The following WDFY4 variants were observed in gnomAD, a reference collection of about 807,000 sequenced individuals.
WDFY4 encodes WD repeat- and FYVE domain-containing protein 4.
Under a neutral mutation model 351.9 loss-of-function variants are expected in WDFY4, and 169 were observed. The ratio of observed to expected loss-of-function variants is 0.48; its 90% confidence interval spans 0.42 to 0.55. WDFY4 has a LOEUF of 0.55. WDFY4 is among the 20% of genes least tolerant of loss of function. WDFY4 has a pLI of 0.00. For synonymous variants in WDFY4, 1,622 were observed against 1,574.6 expected (o/e 1.03, Z -0.71); for missense variants, 3,803 against 3,935.6 (o/e 0.97, Z 0.90).
chr10:48,741,124 GA>G (rs78145848), intron 11 of WDFY4, among the ~76,000 whole-genome samples: 12,518 of 152,026 alleles, frequency 0.082, 654 homozygotes, highest in East Asian at 0.24. Context: ...CTTCATCTTT[GA>G]AAGAATCCTC....
Position 48,743,341 on chromosome 10 carries a change from CCTCCAGCGGCTCA to C in WDFY4, c.2257_2269del (p.Ser753HisfsTer28). On this transcript the variant is annotated frameshift_variant, in exon 12 of 62. Coordinates refer to ENST00000325239, the MANE Select transcript of WDFY4 (RefSeq NM_001394531.1). LOFTEE classifies it high-confidence loss of function. ...GCAGATTTGCTGGGCACTGCCTTTT[CCTCCAGCGGCTCA>C]CTCCCACCCCGGATACAGAGCTGCC... The C allele has an allele frequency of 6.4e-7, 1 of 1,551,648 alleles. No homozygotes were observed. The highest frequency in any genetic ancestry group is 8.7e-7 in the Non-Finnish European group (1 of 1,146,962).
At chr10:48,888,636 A>C (rs1245593312) in intron 43 of WDFY4, among the ~76,000 whole-genome samples, 2 of 152,054 alleles carry the variant, frequency 1.3e-5, no homozygotes, top group African/African-American at 4.8e-5. Context: ...TGATGTTGGT[A>C]CTCCTAATTT....
chr10:48,900,968 T>G (rs1479514694), intron 46 of WDFY4, among the ~76,000 whole-genome samples: 2 of 150,558 alleles, frequency 1.3e-5, no homozygotes, highest in Non-Finnish European at 1.5e-5. Context: ...ACAGAGGGAG[T>G]GGTTATGTGC....
At chr10:48,940,200 A>G (rs1840680801) in intron 47 of WDFY4, among the ~76,000 whole-genome samples, 1 of 152,222 alleles carries the variant, frequency 6.6e-6, no homozygotes, top group African/African-American at 2.4e-5. Flanking sequence ...ACCCTCCAGA[A>G]CTGGGTGGGT....
rs1841971529 is a variant in WDFY4 at position 48,963,976 on chromosome 10, C to A, written c.8358C>A (p.Asp2786Glu). The change falls in exon 54 of 62, where the codon GAC (aspartate) becomes GAA (glutamate). Residue 2786 changes from aspartate to glutamate, a missense_variant. By Grantham distance (45) the Asp-to-Glu change is conservative. Transcript: ENST00000325239. ...FHPYFYGDRM[D>E]LSSITDPLIK... ...CCTACTTCTACGGTGACAGAATGGA[C>A]CTCAGCAGCATCACTGACCCCCTCA... The A allele has an allele frequency of 6.4e-7, 1 of 1,550,782 alleles. No individual in the cohort carries two copies. Among genetic ancestry groups the A allele is most frequent in the Non-Finnish European group, 8.7e-7 (1 of 1,147,000 alleles).
chr10:48,874,343 A>G (rs988748614), intron 41 of WDFY4, among the ~76,000 whole-genome samples: 1 of 152,196 alleles, frequency 6.6e-6, no homozygotes, highest in African/African-American at 2.4e-5. Flanking sequence ...TAGATATAGG[A>G]AATCTGTTAA....
chr10:48,863,206 T>C (rs896122949), intron 39 of WDFY4, among the ~76,000 whole-genome samples: 1 of 152,244 alleles, frequency 6.6e-6, no homozygotes. Context: ...CTTGGGTGTA[T>C]ACCTGAGAAT....
chr10:48,844,151 G>T (rs1487611948), intron 39 of WDFY4, among the ~76,000 whole-genome samples: 1 of 152,206 alleles, frequency 6.6e-6, no homozygotes, highest in Non-Finnish European at 1.5e-5. Flanking sequence ...AATTAAAAAA[G>T]TCTTTCAAAG....
chr10:48,736,158 T>C (rs1318980807), intron 11 of WDFY4, 88 bp downstream of exon 11: 16 of 1,476,398 alleles, frequency 1.1e-5, no homozygotes, highest in Non-Finnish European at 1.5e-5. Flanking sequence ...ATTCATGTAA[T>C]TCAGTTAGCC....
At chr10:48,788,446 G>A in intron 20 of WDFY4, 84 bp from the exon 21 acceptor site, 1 of 1,445,506 alleles carries the variant, frequency 6.9e-7, no homozygotes, top group Non-Finnish European at 9.3e-7. Context: ...ACTTTGCTGT[G>A]TGACAGAGAT....
At chr10:48,810,010 T>G (rs1174410884) in intron 28 of WDFY4, among the ~76,000 whole-genome samples, 1 of 152,178 alleles carries the variant, frequency 6.6e-6, no homozygotes, top group Non-Finnish European at 1.5e-5. Flanking sequence ...GTCTGTATTC[T>G]CCAGACTCAT....
chr10:48,735,801 C>T (rs1347283207), intron 10 of WDFY4, 79 bp from the exon 11 acceptor site: 14 of 1,343,958 alleles, frequency 1.0e-5, no homozygotes, highest in Non-Finnish European at 1.4e-5. Flanking sequence ...AATTATAAGA[C>T]AAAGCTTTTC....
intron 43 of WDFY4, among the ~76,000 whole-genome samples, chr10:48,886,683 C>T (rs578072618): frequency 2.0e-5 from 3 of 152,296 alleles, no homozygotes; most frequent in South Asian, 2.1e-4. Context: ...TATAAATTAC[C>T]CAGTCTGGGG....
chr10:48,789,295 C>G (rs1040927719), intron 21 of WDFY4, among the ~76,000 whole-genome samples: 3 of 152,208 alleles, frequency 2.0e-5, no homozygotes, highest in Non-Finnish European at 4.4e-5. Context: ...ATAAAGAGCT[C>G]TTTTGCTTAG....
intron 2 of WDFY4, among the ~76,000 whole-genome samples, chr10:48,715,882 C>T (rs2063893578): frequency 6.6e-6 from 1 of 151,506 alleles, no homozygotes; most frequent in Non-Finnish European, 1.5e-5. Context: ...GTCTCCTGAC[C>T]TTGTGATCCA....
chr10:48,778,749 C>T lies in WDFY4; in HGVS notation c.3314C>T (p.Pro1105Leu). The change falls in exon 18 of 62, where the codon CCC becomes CTC. Residue 1105 changes from proline (P) to leucine (L), a missense_variant. Around this residue, in one of 3 missense-constraint regions of WDFY4, gnomAD observed 3,054 missense variants for 3,148.6 expected, o/e 0.97. Coordinates refer to ENST00000325239, the MANE Select transcript of WDFY4 (RefSeq NM_001394531.1). ...LVRHLARTEQ[P>L]FVCFSVSLCP... The stretch of plus-strand genomic sequence containing the variant: ...CGCCACCTGGCCAGGACTGAGCAAC[C>T]CTTTGTTTGCTTCTCCGTCAGCCTC... 6.4e-7 allele frequency: 1 copy of T among 1,551,678 alleles called. No individual in the cohort carries two copies. The highest frequency in any genetic ancestry group is 8.7e-7 in the Non-Finnish European group (1 of 1,147,024).
chr10:48,939,415 G>A (rs1184426781), intron 47 of WDFY4, among the ~76,000 whole-genome samples: 1 of 152,212 alleles, frequency 6.6e-6, no homozygotes, highest in Non-Finnish European at 1.5e-5. Flanking sequence ...AGAGCGGCTT[G>A]CTGTCTTGCT....
intron 58 of WDFY4, among the ~76,000 whole-genome samples, chr10:48,975,573 A>G (rs2131860812): frequency 6.6e-6 from 1 of 152,332 alleles, no homozygotes; most frequent in African/African-American, 2.4e-5. Context: ...CCCAGGGCAT[A>G]AATAAAATGG....
intron 40 of WDFY4, among the ~76,000 whole-genome samples, chr10:48,871,704 T>A (rs1463194865): frequency 2.0e-5 from 3 of 152,200 alleles, no homozygotes; most frequent in African/African-American, 7.2e-5. Context: ...CTTTAACTTC[T>A]GGCCTCAAGA....
Sources: allele counts gnomAD v4.1 joint callset (sites outside exome capture counted in the v4.1 genomes callset), GRCh38; gene constraint gnomAD v4.1.1; regional missense constraint gnomAD v4.1.1; transcripts MANE v1.5; gene names NCBI Gene and HGNC (gene_info 2026-07-23, HGNC 2026-07-21).